SLC4A4: variants seen among roughly 807,000 people sequenced by gnomAD.
The protein encoded by SLC4A4 is solute carrier family 4 member 4.
Under a neutral mutation model 111.5 loss-of-function variants are expected in SLC4A4, and 27 were observed. That is an observed-to-expected ratio of 0.24 (90% CI 0.18 to 0.33). SLC4A4 has a LOEUF of 0.33. SLC4A4 is among the 10% of genes least tolerant of loss of function. The pLI is 1.00. For synonymous variants in SLC4A4, 443 were observed against 463.4 expected, an observed-to-expected ratio of 0.96 and a Z score of 0.57; for missense variants, 909 against 1,315.5, an observed-to-expected ratio of 0.69 and a Z score of 4.78.
chr4:71,242,852 C>T (rs917330093), intron 2 of SLC4A4, among the ~76,000 whole-genome samples: 2 of 152,208 alleles, frequency 1.3e-5, no homozygotes, highest in South Asian at 2.1e-4. Flanking sequence ...CTCCCTACAT[C>T]TAGCCTTTGC....
intron 18 of SLC4A4, among the ~76,000 whole-genome samples, chr4:71,536,303 A>G (rs1170474127): frequency 6.6e-6 from 1 of 151,104 alleles, no homozygotes; most frequent in African/African-American, 2.4e-5. Context: ...GGGGAATGGC[A>G]AGGTCGTATT....
In SLC4A4 at chr4:71,114,389, T is replaced by G. The variant is rs1471038720; in HGVS notation, c.-2+21597T>G. On this transcript the variant is annotated intron_variant, in intron 2 of 26. Coordinates refer to the SLC4A4 transcript ENST00000649996. The stretch of plus-strand genomic sequence containing the variant: ...ACAGCAAAAGAAACTACCATCAGAG[T>G]GAACAGGCAACCTACAAAATGGGAG... 1.1e-4 allele frequency among the ~76,000 whole-genome samples: 17 copies of G among 149,620 alleles called. No individual in the cohort carries two copies. The East Asian group carries it at 2.6e-3, about 23-fold the overall frequency.
At chr4:71,107,093 G>T (rs1013311755) in intron 2 of SLC4A4, among the ~76,000 whole-genome samples, 12 of 151,668 alleles carry the variant, frequency 7.9e-5, no homozygotes, top group Non-Finnish European at 1.8e-4. Flanking sequence ...CTTTCAATCT[G>T]TTAGTGTCCT....
At chr4:71,243,637 G>C (rs1282631844) in intron 2 of SLC4A4, among the ~76,000 whole-genome samples, 1 of 152,218 alleles carries the variant, frequency 6.6e-6, no homozygotes, top group Non-Finnish European at 1.5e-5. Flanking sequence ...TGGATCTGCT[G>C]ATTGCCAGGT....
chr4:71,410,160 A>T (rs1464751660), intron 7 of SLC4A4, among the ~76,000 whole-genome samples: 1 of 152,198 alleles, frequency 6.6e-6, no homozygotes, highest in Middle Eastern at 3.2e-3. Context: ...TGGATCCCCC[A>T]CACTGAGTCC....
intron 4 of SLC4A4, among the ~76,000 whole-genome samples, chr4:71,342,192 GT>G (rs994177158): frequency 4.2e-4 from 64 of 152,202 alleles, no homozygotes; most frequent in Non-Finnish European, 8.5e-4. Flanking sequence ...TACATCAACT[GT>G]TTCTTGTTCC....
upstream of SLC4A4, among the ~76,000 whole-genome samples, chr4:71,186,421 TGAAAGCACAG>T (rs1745451121): frequency 6.6e-6 from 1 of 152,186 alleles, no homozygotes; most frequent in African/African-American, 2.4e-5. Flanking sequence ...TAGTTCTGCA[TGAAAGCACAG>T]GCTCTCCCCA....
intron 2 of SLC4A4, among the ~76,000 whole-genome samples, chr4:71,161,642 C>A (rs137990437): frequency 6.6e-6 from 1 of 152,060 alleles, no homozygotes; most frequent in Non-Finnish European, 1.5e-5. Context: ...CTGTTTATTC[C>A]CACTACTGAG....
At chr4:71,078,191 CA>C (rs1392199551) in intron 1 of SLC4A4, among the ~76,000 whole-genome samples, 1 of 152,060 alleles carries the variant, frequency 6.6e-6, no homozygotes, top group Non-Finnish European at 1.5e-5. Context: ...TGCATCAAAC[CA>C]TCTTTGAATG....
rs555025463 is a variant in SLC4A4 at position 71,322,494 on chromosome 4, C to A, written c.254-16876C>A. ...TCTATAGCAAATAGTTGCACTCGAA[C>A]AAATCTGTAGAGTTTATTTTGGGAA... On this transcript the variant is annotated intron_variant, in intron 3 of 25. Transcript: ENST00000264485. Among the ~76,000 whole-genome samples the A allele has an allele frequency of 5.3e-5, 8 of 152,092 alleles. No homozygotes were observed. The South Asian group carries it at 1.7e-3, about 32-fold the overall frequency.
At chr4:71,444,416 CTTAT>C (rs1419521277) in intron 8 of SLC4A4, among the ~76,000 whole-genome samples, 1 of 152,062 alleles carries the variant, frequency 6.6e-6, no homozygotes, top group Non-Finnish European at 1.5e-5. Context: ...GTAACTCTGA[CTTAT>C]TTATTTATGA....
At chr4:71,156,346 G>A (rs757138729) in intron 2 of SLC4A4, among the ~76,000 whole-genome samples, 2 of 151,994 alleles carry the variant, frequency 1.3e-5, no homozygotes, top group Non-Finnish European at 2.9e-5. Flanking sequence ...ATTTTATTAT[G>A]CTGATGCTTC....
intron 1 of SLC4A4, among the ~76,000 whole-genome samples, chr4:71,215,799 A>G (rs900612260): frequency 7.9e-5 from 12 of 152,162 alleles, no homozygotes; most frequent in Admixed American, 5.2e-4. Flanking sequence ...CAAACGATAC[A>G]TATAATTATC....
chr4:71,479,254 C>CT (rs1359982314), intron 14 of SLC4A4, among the ~76,000 whole-genome samples: 1 of 151,604 alleles, frequency 6.6e-6, no homozygotes, highest in East Asian at 1.9e-4. Flanking sequence ...TAATAGTTGG[C>CT]TTTTTTCCTG....
intron 22 of SLC4A4, 122 bp from the exon 23 acceptor site, chr4:71,559,971 G>A: frequency 1.3e-6 from 1 of 773,364 alleles, no homozygotes; most frequent in South Asian, 1.4e-5. Flanking sequence ...GATCAGGTCT[G>A]TCATACTCTA....
chr4:71,436,100 C>T (rs1288885904), intron 7 of SLC4A4, among the ~76,000 whole-genome samples: 10 of 152,156 alleles, frequency 6.6e-5, no homozygotes, highest in African/African-American at 1.7e-4. Flanking sequence ...TATAAAGACA[C>T]ATGCACACGT....
At chr4:71,439,911 T>C (rs1356225049) in intron 7 of SLC4A4, among the ~76,000 whole-genome samples, 1 of 151,918 alleles carries the variant, frequency 6.6e-6, no homozygotes, top group Non-Finnish European at 1.5e-5. Flanking sequence ...CCCTTACCTA[T>C]GCAACTTCTT....
At chr4:71,510,827 A>G (rs1731848400) in intron 16 of SLC4A4, among the ~76,000 whole-genome samples, 1 of 151,906 alleles carries the variant, frequency 6.6e-6, no homozygotes. Flanking sequence ...TTGTGATTAG[A>G]TAATTTTTTC....
intron 4 of SLC4A4, among the ~76,000 whole-genome samples, chr4:71,340,000 C>T (rs1410877832): frequency 1.3e-5 from 2 of 151,318 alleles, no homozygotes; most frequent in Non-Finnish European, 1.5e-5. Flanking sequence ...GGTGGATTGC[C>T]TGAGCCTAGG....
Sources: allele counts gnomAD v4.1 joint callset (sites outside exome capture counted in the v4.1 genomes callset), GRCh38; gene constraint gnomAD v4.1.1; transcripts MANE v1.5; gene names NCBI Gene and HGNC (gene_info 2026-07-23, HGNC 2026-07-21).